The following RGS7 variants were observed in gnomAD, a reference collection of about 807,000 sequenced individuals.
RGS7 encodes regulator of G protein signaling 7.
Under a neutral mutation model 81.1 loss-of-function variants are expected in RGS7, and 27 were observed. The ratio of observed to expected loss-of-function variants is 0.33; its 90% CI spans 0.25 to 0.46. The LOEUF is 0.46. Ranked by LOEUF, RGS7 falls within the 20% of genes least tolerant of loss-of-function variation. The probability of loss-of-function intolerance (pLI) is 1.00; values close to 1 mark genes in which losing one functional copy is unlikely to be tolerated. For missense variants in RGS7, 396 were observed against 607.4 expected (o/e 0.65, Z 3.66); for synonymous variants, 208 against 207.7 (o/e 1.00, Z -0.01).
intron 3 of RGS7, among the ~76,000 whole-genome samples, chr1:241,077,129 C>T (rs1259958123): frequency 1.3e-5 from 2 of 152,076 alleles, no homozygotes; most frequent in African/African-American, 2.4e-5. Context: ...TAATTTCACA[C>T]ATAATTTTTG....
Position 240,865,169 on chromosome 1 carries a change from C to G in RGS7, c.609+3418G>C, listed in dbSNP as rs557789828. 2.6e-5 allele frequency among the ~76,000 whole-genome samples: 4 copies of G among 152,134 alleles called. No homozygotes were observed. In the South Asian group the frequency reaches 8.3e-4, roughly 31 times the overall value. ...TAAGACTGCTGAATCTTAGAAAGGG[C>G]AAATCACTGTGCAAGGTGGGCCTCG... is the stretch of plus-strand genomic sequence containing the variant. On this transcript the variant is annotated intron_variant, in intron 9 of 18. Coordinates refer to ENST00000440928, the MANE Select transcript of RGS7 (RefSeq NM_001364886.1).
intron 2 of RGS7, among the ~76,000 whole-genome samples, chr1:241,240,422 T>TC (rs2076207423): frequency 6.6e-6 from 1 of 152,216 alleles, no homozygotes; most frequent in African/African-American, 2.4e-5. Flanking sequence ...CTGGAAAGTT[T>TC]ATCCTTTAAA....
intron 4 of RGS7, among the ~76,000 whole-genome samples, chr1:240,960,546 C>CTTTT (rs5782170): frequency 8.8e-6 from 1 of 113,714 alleles, no homozygotes; most frequent in South Asian, 2.9e-4. Context: ...CTGGGCTGTT[C>CTTTT]TTTTTTTTTT....
intron 2 of RGS7, among the ~76,000 whole-genome samples, chr1:241,140,018 A>G (rs1449827072): frequency 6.6e-6 from 1 of 152,110 alleles, no homozygotes; most frequent in Non-Finnish European, 1.5e-5. Flanking sequence ...CCTGCAGAGG[A>G]AGAGCCTGCT....
chr1:241,205,999 G>GCTTT (rs1553284140), intron 2 of RGS7, among the ~76,000 whole-genome samples: 1 of 144,104 alleles, frequency 6.9e-6, no homozygotes, highest in African/African-American at 2.5e-5. Flanking sequence ...TTTCGTAAGT[G>GCTTT]TTTTTTTTTT....
intron 3 of RGS7, among the ~76,000 whole-genome samples, chr1:241,056,373 A>T (rs186842019): frequency 6.6e-6 from 1 of 152,278 alleles, no homozygotes; most frequent in Non-Finnish European, 1.5e-5. Flanking sequence ...GCTTCTTCTT[A>T]GCACTGTACC....
At chr1:240,887,466 G>A (rs1375110759) in intron 6 of RGS7, among the ~76,000 whole-genome samples, 1 of 152,060 alleles carries the variant, frequency 6.6e-6, no homozygotes, top group Non-Finnish European at 1.5e-5. Context: ...CTGACTTCGT[G>A]ATCTGCCCGC....
At chr1:241,218,361 C>T (rs2074696871) in intron 2 of RGS7, among the ~76,000 whole-genome samples, 1 of 152,212 alleles carries the variant, frequency 6.6e-6, no homozygotes. Context: ...GAAAGCACTT[C>T]ACATCCATTG....
At chr1:240,825,730 T>C (rs1692686889) in intron 10 of RGS7, among the ~76,000 whole-genome samples, 2 of 152,178 alleles carry the variant, frequency 1.3e-5, no homozygotes. Flanking sequence ...AAGAACGACA[T>C]TGTAAACTAA....
chr1:241,175,056 C>T (rs141425318), intron 2 of RGS7, among the ~76,000 whole-genome samples: 2,766 of 151,990 alleles, frequency 0.018, 89 homozygotes, highest in African/African-American at 0.064. Flanking sequence ...GCGCCCACTA[C>T]CATGCTTGGC....
At chr1:241,262,872 G>A (rs1239372352) in intron 2 of RGS7, among the ~76,000 whole-genome samples, 12 of 152,072 alleles carry the variant, frequency 7.9e-5, no homozygotes, top group South Asian at 2.1e-4. Context: ...AGGCCGAGGC[G>A]GGTGGATCAC....
intron 3 of RGS7, among the ~76,000 whole-genome samples, chr1:241,019,854 A>C (rs2059452432): frequency 6.6e-6 from 1 of 152,232 alleles, no homozygotes; most frequent in Non-Finnish European, 1.5e-5. Context: ...TACAGATTTG[A>C]AAATGATATG....
At chr1:241,270,993 G>A (rs976669538) in intron 2 of RGS7, among the ~76,000 whole-genome samples, 4 of 152,020 alleles carry the variant, frequency 2.6e-5, no homozygotes, top group African/African-American at 4.8e-5. Context: ...TCCTGACCTC[G>A]TGATCCGCCC....
chr1:240,999,027 G>A (rs1459249031), intron 3 of RGS7, among the ~76,000 whole-genome samples: 1 of 152,052 alleles, frequency 6.6e-6, no homozygotes, highest in Non-Finnish European at 1.5e-5. Context: ...TTCAGATTAG[G>A]TAATTTCTGT....
At chr1:241,282,901 C>A (rs563398684) in intron 2 of RGS7, among the ~76,000 whole-genome samples, 1 of 152,178 alleles carries the variant, frequency 6.6e-6, no homozygotes, top group Non-Finnish European at 1.5e-5. Flanking sequence ...TTTCATTTTC[C>A]ATCCTTCACC....
intron 2 of RGS7, among the ~76,000 whole-genome samples, chr1:241,223,418 C>T (rs962036987): frequency 1.3e-5 from 2 of 152,166 alleles, no homozygotes; most frequent in African/African-American, 4.8e-5. Flanking sequence ...ACTTGCTGCT[C>T]AGATACCTGA....
At position 240,800,640 on chromosome 1, in the gene RGS7, C is replaced by T; in HGVS notation, c.*6+1G>A. The T allele has an allele frequency of 6.5e-7, 1 of 1,535,576 alleles. No homozygotes were observed. The highest frequency in any genetic ancestry group is 8.8e-7 in the Non-Finnish European group (1 of 1,136,606). ...TTGAGTATAAACCAAGATTTTTCTACCTCTTTTCATAACAGGTTAGTGCTG... is the reference window on the plus strand; with the variant it reads ...TTGAGTATAAACCAAGATTTTTCTATCTCTTTTCATAACAGGTTAGTGCTG... On this transcript the variant is annotated splice_donor_variant, in intron 18 of 18. Coordinates refer to ENST00000440928, the MANE Select transcript of RGS7 (RefSeq NM_001364886.1). LOFTEE classifies it low-confidence loss of function (3UTR_SPLICE).
intron 2 of RGS7, among the ~76,000 whole-genome samples, chr1:241,297,072 C>T (rs1231938308): frequency 6.6e-6 from 1 of 152,078 alleles, no homozygotes; most frequent in East Asian, 1.9e-4. Context: ...CCTGTTGGCC[C>T]CTAAGTATAT....
intron 2 of RGS7, among the ~76,000 whole-genome samples, chr1:241,297,528 T>G (rs1265304011): frequency 6.6e-6 from 1 of 152,190 alleles, no homozygotes; most frequent in African/African-American, 2.4e-5. Flanking sequence ...AAATTTCATT[T>G]CAGAAAGTTA....
Sources: allele counts gnomAD v4.1 joint callset (sites outside exome capture counted in the v4.1 genomes callset), GRCh38; gene constraint gnomAD v4.1.1; transcripts MANE v1.5; gene names NCBI Gene and HGNC (gene_info 2026-07-23, HGNC 2026-07-21).